GRID2: variants seen among roughly 807,000 people sequenced by gnomAD.
GRID2 encodes the protein glutamate ionotropic receptor delta type subunit 2.
GRID2 carries 33 observed loss-of-function variants against 114.8 expected under a neutral mutation model. That is an observed-to-expected ratio of 0.29 (90% confidence interval 0.22 to 0.38). The LOEUF (loss-of-function observed/expected upper bound fraction) is 0.38, where lower values mean the gene tolerates loss of function less well. Among genes scored for constraint, GRID2 ranks in the 10% least tolerant of loss-of-function variants. The probability of loss-of-function intolerance (pLI) is 1.00; values close to 1 mark genes in which losing one functional copy is unlikely to be tolerated. For synonymous variants in GRID2, 505 were observed against 449.9 expected (o/e 1.12, Z -1.55); for missense variants, 1,184 against 1,257.7 (o/e 0.94, Z 0.89).
At chr4:93,556,454 G>A (rs980606393) in intron 13 of GRID2, among the ~76,000 whole-genome samples, 43 of 152,158 alleles carry the variant, frequency 2.8e-4, no homozygotes, top group African/African-American at 8.0e-4. Flanking sequence ...AAAACTTTGT[G>A]CAGCATACAC....
At chr4:93,521,683 AAGAAG>A (rs1730353570) in intron 13 of GRID2, among the ~76,000 whole-genome samples, 1 of 152,128 alleles carries the variant, frequency 6.6e-6, no homozygotes, top group Admixed American at 6.6e-5. Context: ...TGAGACTAGA[AAGAAG>A]AGATTATGAG....
At chr4:92,944,105 A>C (rs184457779) in intron 2 of GRID2, among the ~76,000 whole-genome samples, 1 of 152,242 alleles carries the variant, frequency 6.6e-6, no homozygotes, top group African/African-American at 2.4e-5. Context: ...ACTCTCTTCA[A>C]AGCTGTCAGA....
At chr4:92,540,105 G>C (rs926592906) in intron 1 of GRID2, among the ~76,000 whole-genome samples, 39 of 152,274 alleles carry the variant, frequency 2.6e-4, no homozygotes, top group Middle Eastern at 3.4e-3. Context: ...GTAGAAAGCT[G>C]AAACTGGATC....
chr4:92,925,234 C>T (rs1371115155), intron 2 of GRID2, among the ~76,000 whole-genome samples: 1 of 152,018 alleles, frequency 6.6e-6, no homozygotes. Context: ...TCTCTCCTTT[C>T]ACCCCCACCA....
intron 12 of GRID2, among the ~76,000 whole-genome samples, chr4:93,502,069 A>G (rs1728168078): frequency 6.6e-6 from 1 of 152,104 alleles, no homozygotes; most frequent in Non-Finnish European, 1.5e-5. Context: ...TGTGGAGGAC[A>G]TAGTTTGAGT....
At chr4:93,725,899 T>C (rs1422722467) in intron 14 of GRID2, among the ~76,000 whole-genome samples, 2 of 152,056 alleles carry the variant, frequency 1.3e-5, no homozygotes, top group East Asian at 1.9e-4. Flanking sequence ...TGTCAGATGA[T>C]TAGGTTGCAA....
intron 4 of GRID2, among the ~76,000 whole-genome samples, chr4:93,198,260 C>G (rs949190184): frequency 2.0e-5 from 3 of 152,136 alleles, no homozygotes; most frequent in Non-Finnish European, 4.4e-5. Context: ...ATAAGTGACT[C>G]TGTGTGTGTT....
chr4:93,087,772 A>G (rs1730455805), intron 3 of GRID2, among the ~76,000 whole-genome samples: 1 of 152,212 alleles, frequency 6.6e-6, no homozygotes, highest in African/African-American at 2.4e-5. Flanking sequence ...GTTTAATGAA[A>G]GAAAATTTCC....
At chr4:93,259,341 C>T (rs1749983970) in intron 8 of GRID2, among the ~76,000 whole-genome samples, 1 of 151,794 alleles carries the variant, frequency 6.6e-6, no homozygotes, top group Non-Finnish European at 1.5e-5. Flanking sequence ...TAGGCACTTA[C>T]AATCCCGGAG....
At chr4:93,580,826 C>T (rs1736906243) in intron 13 of GRID2, among the ~76,000 whole-genome samples, 1 of 148,766 alleles carries the variant, frequency 6.7e-6, no homozygotes, top group South Asian at 2.1e-4. Context: ...CCCAGTAACC[C>T]CCATACCACA....
intron 2 of GRID2, among the ~76,000 whole-genome samples, chr4:92,738,671 A>G (rs1189498572): frequency 6.6e-6 from 1 of 152,070 alleles, no homozygotes; most frequent in African/African-American, 2.4e-5. Flanking sequence ...TTATTTTTAG[A>G]GACAGGATCT....
chr4:93,698,236 A>C (rs980980482), intron 14 of GRID2, among the ~76,000 whole-genome samples: 1 of 152,152 alleles, frequency 6.6e-6, no homozygotes, highest in South Asian at 2.1e-4. Context: ...CTGTTAAATC[A>C]GATACTTATA....
rs369581245 is a variant in GRID2 at position 93,626,385 on chromosome 4, T to C, written c.2310T>C (p.Tyr770=). The C allele has an allele frequency of 5.6e-6, 9 of 1,611,846 alleles. No individual in the cohort carries two copies. The highest frequency in any genetic ancestry group is 1.1e-5 in the South Asian group (1 of 90,928). Residue 770 remains tyrosine (Y), a synonymous_variant, in exon 14 of 16, where the codon TAT becomes TAC. Coordinates refer to ENST00000282020, the MANE Select transcript of GRID2 (RefSeq NM_001510.4). ...GAAATACTGTTGCTGATCGGGGATA[T>C]GGAATTGCATTACAACATGGCAGTC... ...TIGNTVADRG[Y]GIALQHGSPY... is the part of the protein sequence containing the mutation.
chr4:93,294,948 G>A (rs1057512551), intron 8 of GRID2, among the ~76,000 whole-genome samples: 1 of 152,096 alleles, frequency 6.6e-6, no homozygotes, highest in Admixed American at 6.6e-5. Flanking sequence ...TATCGGATAG[G>A]GTGTGAAATA....
At chr4:92,542,631 G>A (rs921879266) in intron 1 of GRID2, among the ~76,000 whole-genome samples, 3 of 151,826 alleles carry the variant, frequency 2.0e-5, no homozygotes, top group African/African-American at 7.3e-5. Context: ...GACTCGGTGG[G>A]AGGGTGGAAG....
At chr4:92,616,820 T>C (rs62307898) in intron 2 of GRID2, among the ~76,000 whole-genome samples, 7,115 of 151,570 alleles carry the variant, frequency 0.047, 206 homozygotes, top group East Asian at 0.094. Flanking sequence ...TGTTAATATT[T>C]TTGTTTGCTT....
At position 93,607,095 on chromosome 4, in the gene GRID2, T is replaced by G. The variant is rs555287698; in HGVS notation, c.2194-19174T>G. 1.4e-3 allele frequency among the ~76,000 whole-genome samples: 206 copies of G among 152,190 alleles called. 1 individual carries two copies. The highest frequency in any genetic ancestry group is 4.6e-3 in the African/African-American group (190 of 41,540). ...CTACACTTGTCTTTTAGAGCATTATTTTTACTGTTCTGCTTGGCTTTTCCC... is the reference window on the plus strand; with the variant it reads ...CTACACTTGTCTTTTAGAGCATTATGTTTACTGTTCTGCTTGGCTTTTCCC... On this transcript the variant is annotated intron_variant, in intron 13 of 15. Coordinates refer to ENST00000282020, the MANE Select transcript of GRID2 (RefSeq NM_001510.4).
chr4:92,652,879 A>T lies in GRID2; in HGVS notation c.244+62593A>T, dbSNP rs1201808168. Among the ~76,000 whole-genome samples the T allele has an allele frequency of 3.1e-5, 3 of 97,666 alleles. 1 individual carries two copies. The highest frequency in any genetic ancestry group is 6.6e-5 in the Non-Finnish European group (3 of 45,638). The allele number at this position is 97,666 out of a possible 152,430, so 64.1% of individuals were successfully genotyped here. On this transcript the variant is annotated intron_variant, in intron 2 of 15. Coordinates refer to ENST00000282020, the MANE Select transcript of GRID2 (RefSeq NM_001510.4). The stretch of plus-strand genomic sequence containing the variant: ...ATATATAAATACATATAAATATATA[A>T]AAATATATTTATAAATACATATAAA...
chr4:93,277,323 A>C (rs1561076428), intron 8 of GRID2, among the ~76,000 whole-genome samples: 1 of 151,952 alleles, frequency 6.6e-6, no homozygotes, highest in African/African-American at 2.4e-5. Context: ...CAAAGTTAGC[A>C]TATTTGTAAA....
Sources: gnomAD v4.1 joint callset for allele counts (sites outside exome capture counted in the v4.1 genomes callset) on GRCh38, gnomAD v4.1.1 for gene constraint, MANE v1.5 for transcripts, NCBI Gene and HGNC (gene_info 2026-07-23, HGNC 2026-07-21) for gene names.